INPP4B: variants seen among roughly 807,000 people sequenced by gnomAD.
INPP4B encodes inositol polyphosphate 4-phosphatase type II.
In INPP4B, 55 loss-of-function variants were observed where a neutral mutation model predicts 122.5. The ratio of observed to expected loss-of-function variants is 0.45; its 90% CI spans 0.36 to 0.56. The LOEUF (loss-of-function observed/expected upper bound fraction) is 0.56. INPP4B is among the 20% of genes least tolerant of loss of function. The pLI is 0.00. For missense variants in INPP4B, 1,000 were observed against 1,097.7 expected (o/e 0.91, Z 1.26); for synonymous variants, 403 against 388.7 (o/e 1.04, Z -0.43).
chr4:142,654,176 C>A (rs566911645), intron 2 of INPP4B, among the ~76,000 whole-genome samples: 2 of 152,062 alleles, frequency 1.3e-5, no homozygotes, highest in South Asian at 4.1e-4. Context: ...ACAATGAGAA[C>A]ACTTAAGACA....
intron 2 of INPP4B, among the ~76,000 whole-genome samples, chr4:142,567,172 A>G (rs1024686745): frequency 6.6e-6 from 1 of 152,208 alleles, no homozygotes; most frequent in African/African-American, 2.4e-5. Flanking sequence ...TTCGGTCTTC[A>G]TTTCCTATAT....
chr4:142,669,039 G>A (rs1192565971), intron 2 of INPP4B, among the ~76,000 whole-genome samples: 1 of 151,966 alleles, frequency 6.6e-6, no homozygotes, highest in Non-Finnish European at 1.5e-5. Flanking sequence ...CTGGATGACA[G>A]AGCAAGACTC....
At chr4:142,628,675 T>C (rs1038912303) in intron 2 of INPP4B, among the ~76,000 whole-genome samples, 1 of 151,936 alleles carries the variant, frequency 6.6e-6, no homozygotes, top group African/African-American at 2.4e-5. Context: ...CTTTGATTCA[T>C]CCTTTTTTAT....
intron 2 of INPP4B, among the ~76,000 whole-genome samples, chr4:142,609,707 G>C (rs1175854073): frequency 6.6e-6 from 1 of 152,114 alleles, no homozygotes; most frequent in Non-Finnish European, 1.5e-5. Context: ...CCACTTATCT[G>C]CTTAGTTGCA....
chr4:142,226,331 C>T (rs1475050176), intron 12 of INPP4B, among the ~76,000 whole-genome samples: 2 of 152,126 alleles, frequency 1.3e-5, no homozygotes, highest in Non-Finnish European at 2.9e-5. Context: ...TCCTTGCACC[C>T]ATAATTACTC....
intron 3 of INPP4B, among the ~76,000 whole-genome samples, chr4:142,446,503 A>T (rs1167866812): frequency 6.6e-6 from 1 of 152,170 alleles, no homozygotes; most frequent in African/African-American, 2.4e-5. Context: ...TTAAAAAGTA[A>T]TTTCACTTCT....
At chr4:142,448,329 C>CAA (rs71586289) in intron 3 of INPP4B, among the ~76,000 whole-genome samples, 3,717 of 59,868 alleles carry the variant, frequency 0.062, 78 homozygotes, top group African/African-American at 0.12. Flanking sequence ...TATCCATCTC[C>CAA]AAAAAAAAAA....
intron 12 of INPP4B, among the ~76,000 whole-genome samples, chr4:142,237,614 C>A (rs1398777022): frequency 6.6e-6 from 1 of 151,506 alleles, no homozygotes; most frequent in Non-Finnish European, 1.5e-5. Flanking sequence ...TAGTGGCCAC[C>A]ATAGGGGACA....
At chr4:142,529,067 A>C (rs993028858) in intron 2 of INPP4B, among the ~76,000 whole-genome samples, 2 of 152,150 alleles carry the variant, frequency 1.3e-5, no homozygotes, top group Admixed American at 6.6e-5. Flanking sequence ...TCGATGTCGC[A>C]AAATGAAATG....
At chr4:142,164,887 T>C (rs932917245) in intron 16 of INPP4B, among the ~76,000 whole-genome samples, 1 of 151,748 alleles carries the variant, frequency 6.6e-6, no homozygotes, top group African/African-American at 2.4e-5. Flanking sequence ...CGTGAGCTAC[T>C]GTGCCCATCC....
chr4:142,678,617 C>T lies in INPP4B; in HGVS notation c.-191+47222G>A, dbSNP rs574977006. On this transcript the variant is annotated intron_variant, in intron 2 of 25. Transcript: ENST00000262992. Reference sequence around the variant, plus strand: ...ATTAGAAGACAGACTTGACACTCAACGTAAGAGCATATAAAAAGGGTTAGT... The same window carrying T: ...ATTAGAAGACAGACTTGACACTCAATGTAAGAGCATATAAAAAGGGTTAGT... Among the ~76,000 whole-genome samples the T allele has an allele frequency of 1.2e-4, 18 of 151,944 alleles. No individual in the cohort carries two copies. In the East Asian group the frequency reaches 1.4e-3, roughly 11 times the overall value.
chr4:142,138,804 CTA>C (rs932851300), intron 18 of INPP4B, among the ~76,000 whole-genome samples: 5 of 152,150 alleles, frequency 3.3e-5, no homozygotes, highest in Non-Finnish European at 7.3e-5. Context: ...TAAGTGTCAG[CTA>C]TTAATGTGAT....
At chr4:142,354,344 C>G (rs1478913063) in intron 7 of INPP4B, among the ~76,000 whole-genome samples, 1 of 151,954 alleles carries the variant, frequency 6.6e-6, no homozygotes, top group Non-Finnish European at 1.5e-5. Flanking sequence ...ATGTGCAATT[C>G]AAACACAGGT....
rs971505096 is a variant in INPP4B, at chr4:142,725,890, T to C, written c.-242A>G. 7 of 397,896 alleles carry C rather than the reference T, an allele frequency of 1.8e-5. No individual in the cohort carries two copies. Among genetic ancestry groups the C allele is most frequent in the African/African-American group, 4.1e-5 (2 of 48,606 alleles). 24.6% of individuals were successfully genotyped at this position (397,896 alleles called of 1,614,324 possible). A position where few individuals can be genotyped will look rare whatever the true frequency, so the allele number is the denominator to read the frequency against. ...GAAGACCTCTTGCCAGGTAACACCA[T>C]TTCTTTGTATTCTACGGGAAAAGAG... is the stretch of plus-strand genomic sequence containing the variant. On this transcript the variant is annotated 5_prime_UTR_variant, in exon 2 of 26. The change abolishes an upstream ATG in the 5' untranslated region. Transcript: ENST00000262992.
intron 2 of INPP4B, among the ~76,000 whole-genome samples, chr4:142,535,979 C>T (rs1319462709): frequency 6.6e-6 from 1 of 152,122 alleles, no homozygotes; most frequent in African/African-American, 2.4e-5. Flanking sequence ...CAGTACTGGC[C>T]TTAGACTTAG....
intron 1 of INPP4B, among the ~76,000 whole-genome samples, chr4:142,765,417 C>T (rs931218485): frequency 3.3e-5 from 5 of 152,126 alleles, no homozygotes; most frequent in African/African-American, 4.8e-5. Context: ...TGCACCAAAA[C>T]ACTCTTTCCA....
At chr4:142,259,282 C>G (rs1561658115) in intron 11 of INPP4B, among the ~76,000 whole-genome samples, 1 of 150,902 alleles carries the variant, frequency 6.6e-6, no homozygotes, top group Non-Finnish European at 1.5e-5. Context: ...TGCAGTGCAC[C>G]AGCATGGCAC....
chr4:142,365,628 CACA>C (rs1450545817), intron 7 of INPP4B, among the ~76,000 whole-genome samples: 1 of 152,112 alleles, frequency 6.6e-6, no homozygotes, highest in Non-Finnish European at 1.5e-5. Context: ...GATGTGTATT[CACA>C]ACATTAGTCA....
intron 7 of INPP4B, among the ~76,000 whole-genome samples, chr4:142,358,767 T>C (rs1784452780): frequency 6.6e-6 from 1 of 151,908 alleles, no homozygotes; most frequent in Non-Finnish European, 1.5e-5. Flanking sequence ...AGAATACTTG[T>C]TACAAATGCA....
Sources: gnomAD v4.1 joint callset for allele counts (sites outside exome capture counted in the v4.1 genomes callset) on GRCh38, gnomAD v4.1.1 for gene constraint, MANE v1.5 for transcripts, NCBI Gene and HGNC (gene_info 2026-07-23, HGNC 2026-07-21) for gene names.